STEAP1B: variants seen among roughly 807,000 people sequenced by gnomAD.
The protein encoded by STEAP1B is STEAP family protein MGC87042.
A neutral mutation model predicts 27.9 loss-of-function variants in STEAP1B; 13 were observed. The ratio of observed to expected loss-of-function variants is 0.47; its 90% CI spans 0.30 to 0.74. STEAP1B has a LOEUF of 0.74. STEAP1B is among the 30% of genes least tolerant of loss of function. STEAP1B has a pLI of 0.06. For synonymous variants in STEAP1B, 86 were observed against 107.1 expected (o/e 0.80, Z 1.22); for missense variants, 250 against 298.7 (o/e 0.84, Z 1.20).
intron 4 of STEAP1B, among the ~76,000 whole-genome samples, chr7:22,470,883 CAA>C (rs1199091301): frequency 4.0e-5 from 6 of 151,870 alleles, no homozygotes; most frequent in Non-Finnish European, 7.4e-5. Flanking sequence ...AAACATCACC[CAA>C]AAAATATAAA....
intron 4 of STEAP1B, among the ~76,000 whole-genome samples, chr7:22,478,019 T>C (rs1414756489): frequency 1.3e-5 from 2 of 152,112 alleles, no homozygotes; most frequent in African/African-American, 4.8e-5. Context: ...CAGGGCCCTC[T>C]CCACTGTCAA....
chr7:22,466,817 A>G (rs1294475562), intron 4 of STEAP1B, among the ~76,000 whole-genome samples: 1 of 152,192 alleles, frequency 6.6e-6, no homozygotes, highest in Non-Finnish European at 1.5e-5. Flanking sequence ...TGGTTGTTAA[A>G]AGCAGACTCC....
At chr7:22,479,233 T>C (rs1562581622) in intron 4 of STEAP1B, among the ~76,000 whole-genome samples, 1 of 151,524 alleles carries the variant, frequency 6.6e-6, no homozygotes, top group African/African-American at 2.4e-5. Context: ...GGGTGGGGAA[T>C]GGGGGAGAGG....
intron 4 of STEAP1B, among the ~76,000 whole-genome samples, chr7:22,484,517 G>A (rs139777240): frequency 1.3e-5 from 2 of 152,322 alleles, no homozygotes; most frequent in East Asian, 3.9e-4. Flanking sequence ...CATTGACAAT[G>A]CACCTGGTCA....
intron 4 of STEAP1B, among the ~76,000 whole-genome samples, chr7:22,442,142 A>C (rs185791391): frequency 1.6e-4 from 24 of 152,346 alleles, no homozygotes; most frequent in Non-Finnish European, 2.9e-4. Context: ...TGAGTGATGA[A>C]GAGGGCAATG....
intron 4 of STEAP1B, among the ~76,000 whole-genome samples, chr7:22,487,428 ATAGT>A (rs898389165): frequency 6.6e-6 from 1 of 152,132 alleles, no homozygotes; most frequent in African/African-American, 2.4e-5. Flanking sequence ...CCAAGACTTG[ATAGT>A]TAGATAAAAG....
At chr7:22,447,644 A>G (rs892495339) in intron 4 of STEAP1B, among the ~76,000 whole-genome samples, 3 of 152,190 alleles carry the variant, frequency 2.0e-5, no homozygotes, top group African/African-American at 7.2e-5. Context: ...AATGCTCCAC[A>G]TATTTTTGTT....
At chr7:22,428,615 A>G (rs1785139391) in intron 4 of STEAP1B, among the ~76,000 whole-genome samples, 1 of 152,132 alleles carries the variant, frequency 6.6e-6, no homozygotes, top group African/African-American at 2.4e-5. Flanking sequence ...ACACAAATGC[A>G]ATAATTCTAA....
intron 4 of STEAP1B, among the ~76,000 whole-genome samples, chr7:22,485,147 T>A (rs766375759): frequency 2.0e-5 from 3 of 152,244 alleles, no homozygotes; most frequent in Admixed American, 6.5e-5. Context: ...GAGGATTGAT[T>A]CCAATTCTTA....
rs1287340104 is a variant in STEAP1B at position 22,444,032 on chromosome 7, G to A, written c.763-24196C>T. Among the ~76,000 whole-genome samples, 3 of 152,202 alleles carry A rather than the reference G, an allele frequency of 2.0e-5. No individual in the cohort carries two copies. In the East Asian group the frequency reaches 5.8e-4, roughly 29 times the overall value. On this transcript the variant is annotated intron_variant, in intron 4 of 4. Coordinates refer to ENST00000678116, the MANE Select transcript of STEAP1B (RefSeq NM_001382447.1). The stretch of plus-strand genomic sequence containing the variant: ...TATAAGGAAGCCAGAGACCACCACA[G>A]CCTGATGAGTTCTTGGAGAAGCCCA...
chr7:22,482,709 A>G (rs1786103940), intron 4 of STEAP1B, among the ~76,000 whole-genome samples: 1 of 152,156 alleles, frequency 6.6e-6, no homozygotes. Flanking sequence ...TTCTCCAGAG[A>G]ATGAGAGCAG....
chr7:22,429,221 A>T (rs1785147256), intron 4 of STEAP1B, among the ~76,000 whole-genome samples: 1 of 152,348 alleles, frequency 6.6e-6, no homozygotes, highest in Non-Finnish European at 1.5e-5. Context: ...TAAAGGACAA[A>T]TACAGGAGTA....
chr7:22,456,952 C>CTATATATATA (rs199847360), intron 4 of STEAP1B, among the ~76,000 whole-genome samples: 15 of 73,266 alleles, frequency 2.0e-4, no homozygotes, highest in East Asian at 1.1e-3. Flanking sequence ...GGATAGGCAG[C>CTATATATATA]TATATATATA....
intron 4 of STEAP1B, among the ~76,000 whole-genome samples, chr7:22,457,701 G>GC (rs1431234444): frequency 1.3e-5 from 2 of 152,200 alleles, no homozygotes; most frequent in African/African-American, 4.8e-5. Flanking sequence ...ACTGCACCTG[G>GC]CAGTTGCTGG....
intron 4 of STEAP1B, among the ~76,000 whole-genome samples, chr7:22,437,292 C>A (rs1225080015): frequency 1.3e-5 from 2 of 152,190 alleles, no homozygotes; most frequent in Admixed American, 6.5e-5. Context: ...AACCACCATT[C>A]TATTCTCTGT....
intron 4 of STEAP1B, among the ~76,000 whole-genome samples, 177 bp from the exon 5 acceptor site, chr7:22,420,013 G>A (rs1384858025): frequency 6.6e-6 from 1 of 152,192 alleles, no homozygotes; most frequent in Non-Finnish European, 1.5e-5. Context: ...CTTTCCTCGG[G>A]CCTAGAATTC....
intron 4 of STEAP1B, among the ~76,000 whole-genome samples, chr7:22,460,340 A>C (rs796604800): frequency 7.5e-4 from 114 of 151,404 alleles, no homozygotes; most frequent in African/African-American, 2.3e-3. Flanking sequence ...AACAAACAAA[A>C]AAAAAAAAAA....
intron 4 of STEAP1B, among the ~76,000 whole-genome samples, chr7:22,446,171 C>G (rs78063239): frequency 2.1e-3 from 323 of 152,332 alleles, no homozygotes; most frequent in African/African-American, 7.5e-3. Flanking sequence ...CATTGGATGA[C>G]AGTTCTCATG....
intron 4 of STEAP1B, among the ~76,000 whole-genome samples, chr7:22,477,269 C>T (rs1000936377): frequency 6.6e-6 from 1 of 152,186 alleles, no homozygotes; most frequent in East Asian, 1.9e-4. Flanking sequence ...TGTAAGATTT[C>T]CTCTTTGATC....
Sources: gnomAD v4.1 joint callset for allele counts (sites outside exome capture counted in the v4.1 genomes callset) on GRCh38, gnomAD v4.1.1 for gene constraint, MANE v1.5 for transcripts, NCBI Gene and HGNC (gene_info 2026-07-23, HGNC 2026-07-21) for gene names.